CCDC25: variants seen among roughly 807,000 people sequenced by gnomAD.
CCDC25 encodes the protein coiled-coil domain containing 25, also known as coiled-coil domain-containing protein 25.
Under a neutral mutation model 35.3 loss-of-function variants are expected in CCDC25, and 16 were observed. That is an observed-to-expected ratio of 0.45 (90% CI 0.31 to 0.69). The LOEUF is 0.69. Among genes scored for constraint, CCDC25 ranks in the 30% least tolerant of loss-of-function variants. CCDC25 has a pLI of 0.06. For missense variants in CCDC25, 179 were observed against 250.7 expected, an observed-to-expected ratio of 0.71 and a Z score of 1.93; for synonymous variants, 79 against 80.3, an observed-to-expected ratio of 0.98 and a Z score of 0.09.
Position 27,736,083 on chromosome 8 carries a change from A to G in CCDC25, c.*133T>C. The G allele has an allele frequency of 1.3e-6, 1 of 788,454 alleles. No homozygotes were observed. The highest frequency in any genetic ancestry group is 2.7e-5 in the East Asian group (1 of 36,398). 48.8% of individuals were successfully genotyped at this position (788,454 alleles called of 1,614,324 possible). A position where few individuals can be genotyped will look rare whatever the true frequency, so the allele number is the denominator to read the frequency against. ...GGTACAATTTTTTTAAAACTTGAAAATCAATAATTTCTGGGTAGGATGAAG... is the reference window on the plus strand; with the variant it reads ...GGTACAATTTTTTTAAAACTTGAAAGTCAATAATTTCTGGGTAGGATGAAG... On this transcript the variant is annotated 3_prime_UTR_variant, in exon 9 of 9. Coordinates refer to ENST00000356537, the MANE Select transcript of CCDC25 (RefSeq NM_018246.3).
rs1803211908 is a variant in CCDC25, at chr8:27,736,063, A to AT, written c.*152_*153insA. 2.1e-5 allele frequency: 14 copies of AT among 666,384 alleles called. No homozygotes were observed. Among genetic ancestry groups the AT allele is most frequent in the East Asian group, 2.1e-4 (7 of 34,090 alleles). 41.3% of individuals were successfully genotyped at this position (666,384 alleles called of 1,614,324 possible). ...CCTTTTCTGTCAGCAAAAAAGGTAC[A>AT]ATTTTTTTAAAACTTGAAAATCAAT... is the stretch of plus-strand genomic sequence containing the variant. On this transcript the variant is annotated 3_prime_UTR_variant, in exon 9 of 9. Transcript: ENST00000356537.
chr8:27,747,376 T>C (rs1474152055), intron 7 of CCDC25, among the ~76,000 whole-genome samples: 1 of 152,224 alleles, frequency 6.6e-6, no homozygotes, highest in East Asian at 1.9e-4. Flanking sequence ...CTCTCAAAGC[T>C]GAAAGGGAAG....
chr8:27,761,913 A>G (rs1051496421), intron 3 of CCDC25, among the ~76,000 whole-genome samples: 12 of 152,204 alleles, frequency 7.9e-5, no homozygotes, highest in African/African-American at 2.7e-4. Context: ...ATTATTTAAA[A>G]CAGTTCACAT....
rs965420403 is a variant in CCDC25 at position 27,762,526 on chromosome 8, A to T, written c.77-68T>A. 9 of 1,413,462 alleles carry T rather than the reference A, an allele frequency of 6.4e-6. No individual in the cohort carries two copies. The African/African-American group carries it at 1.3e-4, about 20-fold the overall frequency. The allele number at this position is 1,413,462 out of a possible 1,614,324, so 87.6% of individuals were successfully genotyped here. On this transcript the variant is annotated intron_variant, in intron 2 of 8. Transcript: ENST00000356537. Reference sequence around the variant, plus strand: ...ATGAAGATATGCCAGGGTTTATAAGAATGGGAGAAATGTCAGCTCCTCCCA... The same window carrying T: ...ATGAAGATATGCCAGGGTTTATAAGTATGGGAGAAATGTCAGCTCCTCCCA...
At chr8:27,744,379 C>T (rs987370697) in intron 7 of CCDC25, among the ~76,000 whole-genome samples, 5 of 152,100 alleles carry the variant, frequency 3.3e-5, no homozygotes, top group African/African-American at 7.2e-5. Context: ...CAAGGATGCA[C>T]GATTGCTTCC....
At chr8:27,738,489 G>A (rs1285417219) in intron 8 of CCDC25, among the ~76,000 whole-genome samples, 1 of 152,072 alleles carries the variant, frequency 6.6e-6, no homozygotes, top group Non-Finnish European at 1.5e-5. Context: ...AGTTAGGGTA[G>A]AAAGATTAGC....
chr8:27,750,274 G>C (rs541780006), intron 5 of CCDC25, among the ~76,000 whole-genome samples: 1 of 152,218 alleles, frequency 6.6e-6, no homozygotes, highest in Non-Finnish European at 1.5e-5. Flanking sequence ...CAGAACACTT[G>C]AGCCAAATGG....
At chr8:27,760,627 T>G (rs1374688594) in intron 3 of CCDC25, among the ~76,000 whole-genome samples, 1 of 152,164 alleles carries the variant, frequency 6.6e-6, no homozygotes, top group Non-Finnish European at 1.5e-5. Flanking sequence ...TAGTAGTTAA[T>G]GAAATAGGTG....
chr8:27,737,840 A>G lies in CCDC25; in HGVS notation c.598-1595T>C, dbSNP rs1803288394. Among the ~76,000 whole-genome samples, 1 of 151,766 alleles carries G rather than the reference A, an allele frequency of 6.6e-6. No homozygotes were observed. The highest frequency in any genetic ancestry group is 6.6e-5 in the Admixed American group (1 of 15,220). On this transcript the variant is annotated intron_variant, in intron 8 of 8. Coordinates refer to ENST00000356537, the MANE Select transcript of CCDC25 (RefSeq NM_018246.3). This position sits in a 1 kb window ranked among gnomAD's most constrained non-coding sequence, Gnocchi z 4.6. The stretch of plus-strand genomic sequence containing the variant: ...GTGGAACAAACCCAAATGCCCATCA[A>G]TCAACGAGTGGATAAAGAAACTGTG...
Position 27,767,093 on chromosome 8 carries a change from C to T in CCDC25, c.29-1842G>A, listed in dbSNP as rs562372883. ...TCAAAATAACAATATAGGCCAGGTGCAGTGGCTCACACCTGTAATCCCAGC... is the reference window on the plus strand; with the variant it reads ...TCAAAATAACAATATAGGCCAGGTGTAGTGGCTCACACCTGTAATCCCAGC... On this transcript the variant is annotated intron_variant, in intron 1 of 8. Coordinates refer to ENST00000356537, the MANE Select transcript of CCDC25 (RefSeq NM_018246.3). Among the ~76,000 whole-genome samples, 17 of 152,302 alleles carry T rather than the reference C, an allele frequency of 1.1e-4. No individual in the cohort carries two copies. The East Asian group carries it at 1.7e-3, about 16-fold the overall frequency.
In CCDC25 at chr8:27,772,616, C is replaced by T. The variant is rs1194366968; in HGVS notation, c.-76G>A. ...CACGAAGCTCAGGATACCAGACTCG[C>T]GGCGGCCGCCTGGCCCCCGGAACTC... On this transcript the variant is annotated 5_prime_UTR_variant, in exon 1 of 9. Coordinates refer to ENST00000356537, the MANE Select transcript of CCDC25 (RefSeq NM_018246.3). 2.1e-6 allele frequency: 3 copies of T among 1,459,034 alleles called. No individual in the cohort carries two copies. Among genetic ancestry groups the T allele is most frequent in the Non-Finnish European group, 2.8e-6 (3 of 1,069,676 alleles). 90.4% of individuals were successfully genotyped at this position (1,459,034 alleles called of 1,614,324 possible).
At position 27,737,213 on chromosome 8, in the gene CCDC25, A is replaced by G. The variant is rs1310833554; in HGVS notation, c.598-968T>C. Among the ~76,000 whole-genome samples the G allele has an allele frequency of 6.6e-6, 1 of 152,220 alleles. No homozygotes were observed. Among genetic ancestry groups the G allele is most frequent in the Non-Finnish European group, 1.5e-5 (1 of 68,032 alleles). On this transcript the variant is annotated intron_variant, in intron 8 of 8. Coordinates refer to ENST00000356537, the MANE Select transcript of CCDC25 (RefSeq NM_018246.3). The surrounding 1 kb of genome is among the most constrained non-coding windows in gnomAD (Gnocchi z 4.6). ...AGGTAAAAATGCCTTCGATAATTGT[A>G]CAAAGAACAGACTAATGATTGTGTT...
At chr8:27,766,341 C>T (rs1046798643) in intron 1 of CCDC25, among the ~76,000 whole-genome samples, 1 of 151,990 alleles carries the variant, frequency 6.6e-6, no homozygotes, top group Admixed American at 6.6e-5. Flanking sequence ...AATTAAAAAG[C>T]CTTATATCAG....
At chr8:27,762,688 A>G (rs1292755151) in intron 2 of CCDC25, among the ~76,000 whole-genome samples, 1 of 152,240 alleles carries the variant, frequency 6.6e-6, no homozygotes, top group East Asian at 1.9e-4. Flanking sequence ...CTTCTAATCT[A>G]AAGCTCAGAT....
chr8:27,740,324 A>G (rs1297384993), intron 8 of CCDC25, 148 bp downstream of exon 8: 13 of 699,550 alleles, frequency 1.9e-5, no homozygotes, highest in Non-Finnish European at 2.7e-5. Context: ...GCAGTGCCTA[A>G]AAGAATCCAG....
rs1479026473 is a variant in CCDC25 at position 27,735,819 on chromosome 8, A to G, written c.*397T>C. 6.3e-6 allele frequency: 1 copy of G among 159,164 alleles called. No individual in the cohort carries two copies. The highest frequency in any genetic ancestry group is 1.4e-5 in the Non-Finnish European group (1 of 73,042). The allele number at this position is 159,164 out of a possible 1,614,324, so 9.9% of individuals were successfully genotyped here. ...CCCACCAACATGTTCTTCTTAACAG[A>G]AGTGAAGATTATTTTAAGAATATGA... On this transcript the variant is annotated 3_prime_UTR_variant, in exon 9 of 9. Coordinates refer to ENST00000356537, the MANE Select transcript of CCDC25 (RefSeq NM_018246.3).
chr8:27,760,853 C>T (rs767975194), intron 3 of CCDC25, among the ~76,000 whole-genome samples: 5 of 152,170 alleles, frequency 3.3e-5, no homozygotes, highest in Non-Finnish European at 7.3e-5. Flanking sequence ...TGGCTGGGCG[C>T]GGTGGCTCAC....
At chr8:27,744,983 G>A (rs1434437655) in intron 7 of CCDC25, among the ~76,000 whole-genome samples, 2 of 152,210 alleles carry the variant, frequency 1.3e-5, no homozygotes, top group Non-Finnish European at 1.5e-5. Context: ...TTCCAATTCT[G>A]ATCTCCCAGT....
chr8:27,756,685 GA>G, intron 4 of CCDC25, 33 bp downstream of exon 4: 1 of 1,484,760 alleles, frequency 6.7e-7, no homozygotes, highest in Non-Finnish European at 9.4e-7. Flanking sequence ...ATCATCAGGA[GA>G]AAAGTCAAGA....
Sources: gnomAD v4.1 joint callset for allele counts (sites outside exome capture counted in the v4.1 genomes callset) on GRCh38, gnomAD v4.1.1 for gene constraint, Gnocchi (gnomAD v3.1) non-coding constraint, MANE v1.5 for transcripts, NCBI Gene and HGNC (gene_info 2026-07-23, HGNC 2026-07-21) for gene names.